The following CCDC12 variants were observed in gnomAD, a reference collection of about 807,000 sequenced individuals.
CCDC12 encodes the protein coiled-coil domain-containing protein 12.
Under a neutral mutation model 25.7 loss-of-function variants are expected in CCDC12, and 28 were observed. The observed-to-expected ratio is 1.09, with a 90% confidence interval of 0.81 to 1.50. The LOEUF is 1.50. Among genes scored for constraint, CCDC12 ranks in the 40% most tolerant of loss-of-function variants. The pLI is 0.00. For missense variants in CCDC12, 198 were observed against 210.0 expected, an observed-to-expected ratio of 0.94 and a Z score of 0.35; for synonymous variants, 75 against 87.7, an observed-to-expected ratio of 0.86 and a Z score of 0.81.
rs1209757666 is a variant in CCDC12, at chr3:46,954,356, TC to T, written c.97-13292del. Among the ~76,000 whole-genome samples, 3 of 152,160 alleles carry T rather than the reference TC, an allele frequency of 2.0e-5. No individual in the cohort carries two copies. The East Asian group carries it at 5.8e-4, about 29-fold the overall frequency. ...CCACTATGTGTTCACTTTCGCTGGA[TC>T]CAACAGAGACAGCAAGCAAGGACCT... On this transcript the variant is annotated intron_variant, in intron 1 of 6. Coordinates refer to ENST00000683445, the MANE Select transcript of CCDC12 (RefSeq NM_001277074.2).
rs1006194881 is a variant in CCDC12, at chr3:46,968,323, C to T, written c.96+8314G>A. Among the ~76,000 whole-genome samples, 4 of 142,648 alleles carry T rather than the reference C, an allele frequency of 2.8e-5. No individual in the cohort carries two copies. The South Asian group carries it at 9.6e-4, about 34-fold the overall frequency. The allele number at this position is 142,648 out of a possible 152,430, so 93.6% of individuals were successfully genotyped here. A position where few individuals can be genotyped will look rare whatever the true frequency, so the allele number is the denominator to read the frequency against. On this transcript the variant is annotated intron_variant, in intron 1 of 6. Transcript: ENST00000683445. ...GGCTAGGATGAGTAAAGCCAGGGTG[C>T]AGGAGAAGGACCTCTTTGCTTCCAC...
chr3:46,958,678 C>G (rs1175193459), intron 1 of CCDC12, among the ~76,000 whole-genome samples: 1 of 152,076 alleles, frequency 6.6e-6, no homozygotes, highest in Non-Finnish European at 1.5e-5. Flanking sequence ...AAGGGCAGGG[C>G]AAAGGTTGTG....
chr3:46,938,688 T>C (rs374650529), intron 2 of CCDC12, among the ~76,000 whole-genome samples: 3 of 151,744 alleles, frequency 2.0e-5, no homozygotes, highest in South Asian at 2.1e-4. Context: ...ATGTTGTTTT[T>C]GTACCAAAAA....
At chr3:46,981,828 G>C (rs2035366213) in intron 1 of CCDC12, 1 of 152,314 alleles carries the variant, frequency 6.6e-6, no homozygotes, top group Admixed American at 6.5e-5. Context: ...GTTGCCTCCT[G>C]ATGCCCCATC....
chr3:46,979,967 CGCGCCCCGCGCCTGCTGCACCTG>C (rs536171364), upstream of CCDC12: 4,942 of 263,294 alleles, frequency 0.019, 111 homozygotes, highest in Non-Finnish European at 0.02. Flanking sequence ...CCCAGCTTCG[CGCGCCCCGCGCCTGCTGCACCTG>C]GCGCCCCGCG....
intron 2 of CCDC12, among the ~76,000 whole-genome samples, chr3:46,931,714 C>G (rs2033223510): frequency 6.6e-6 from 1 of 152,226 alleles, no homozygotes; most frequent in Non-Finnish European, 1.5e-5. Flanking sequence ...GCCATACAGG[C>G]CCCATCAAGG....
At chr3:46,963,894 G>A (rs905390579) in intron 1 of CCDC12, among the ~76,000 whole-genome samples, 21 of 152,370 alleles carry the variant, frequency 1.4e-4, no homozygotes, top group Non-Finnish European at 2.9e-4. Flanking sequence ...TGGGAAGTGA[G>A]GAGCATCTCT....
upstream of CCDC12, among the ~76,000 whole-genome samples, chr3:46,977,613 ACT>A (rs1055645844): frequency 2.0e-5 from 3 of 151,408 alleles, no homozygotes; most frequent in African/African-American, 7.3e-5. Flanking sequence ...CTCTGTGACC[ACT>A]CTCAGCTCAG....
chr3:46,954,921 TG>T (rs2107169134), intron 1 of CCDC12, among the ~76,000 whole-genome samples: 1 of 152,168 alleles, frequency 6.6e-6, no homozygotes, highest in Non-Finnish European at 1.5e-5. Flanking sequence ...AAACTCCGTC[TG>T]AAAAAAAAAG....
chr3:46,974,335 A>C (rs898599897), intron 1 of CCDC12, among the ~76,000 whole-genome samples: 7 of 152,222 alleles, frequency 4.6e-5, no homozygotes, highest in Middle Eastern at 3.2e-3. Flanking sequence ...AAAAAATAAC[A>C]ATCAGGCCAT....
chr3:46,922,834 C>G, intron 5 of CCDC12: 1 of 179,974 alleles, frequency 5.6e-6, no homozygotes, highest in Non-Finnish European at 1.2e-5. Context: ...ATAGCTCTAC[C>G]TCCGGCTCAA....
intron 1 of CCDC12, among the ~76,000 whole-genome samples, chr3:46,949,983 G>A (rs935525061): frequency 3.4e-5 from 5 of 145,438 alleles, no homozygotes; most frequent in African/African-American, 7.7e-5. Flanking sequence ...CCAAGATTGC[G>A]CTACCACACT....
intron 1 of CCDC12, among the ~76,000 whole-genome samples, chr3:46,963,968 G>A (rs2034548922): frequency 6.6e-6 from 1 of 152,138 alleles, no homozygotes; most frequent in Non-Finnish European, 1.5e-5. Context: ...TCTGGGAAGT[G>A]AGGAGCGCCT....
intron 2 of CCDC12, among the ~76,000 whole-genome samples, chr3:46,940,013 A>G (rs552462596): frequency 1.6e-4 from 25 of 152,168 alleles, no homozygotes; most frequent in Non-Finnish European, 3.4e-4. Context: ...AGCTGCTCAG[A>G]GCAAAGGAAA....
At chr3:46,976,302 C>G (rs2034986241) in intron 1 of CCDC12, 1 of 1,195,150 alleles carries the variant, frequency 8.4e-7, no homozygotes, top group East Asian at 4.8e-5. Flanking sequence ...CGGAACAAAT[C>G]ACGCCTAACC....
At chr3:46,925,297 G>A (rs764297236) in intron 3 of CCDC12, 159 bp downstream of exon 3, 5 of 727,658 alleles carry the variant, frequency 6.9e-6, no homozygotes, top group Non-Finnish European at 1.0e-5. Flanking sequence ...GCCGAAGGCC[G>A]ACTGTGTGCA....
intron 1 of CCDC12, among the ~76,000 whole-genome samples, chr3:46,947,822 A>G (rs1055761423): frequency 3.9e-5 from 6 of 152,170 alleles, no homozygotes; most frequent in East Asian, 1.9e-4. Flanking sequence ...GCTCCATTTC[A>G]TCTTGGCTGT....
intron 1 of CCDC12, among the ~76,000 whole-genome samples, chr3:46,941,696 T>C (rs1281135149): frequency 6.6e-6 from 1 of 152,138 alleles, no homozygotes; most frequent in Non-Finnish European, 1.5e-5. Context: ...CTTGGTGCCA[T>C]GGAGGGGCCA....
chr3:46,977,730 CA>C (rs997475754), upstream of CCDC12, among the ~76,000 whole-genome samples: 2 of 152,160 alleles, frequency 1.3e-5, no homozygotes, highest in African/African-American at 4.8e-5. Flanking sequence ...GCAAAGTCCT[CA>C]GGGTCAAGTT....
Sources: allele counts gnomAD v4.1 joint callset (sites outside exome capture counted in the v4.1 genomes callset), GRCh38; gene constraint gnomAD v4.1.1; transcripts MANE v1.5; gene names NCBI Gene and HGNC (gene_info 2026-07-23, HGNC 2026-07-21).